The following PDE1C variants were observed in gnomAD, a reference collection of about 807,000 sequenced individuals.
The protein encoded by PDE1C is phosphodiesterase 1C.
A neutral mutation model predicts 93.1 loss-of-function variants in PDE1C; 62 were observed. The ratio of observed to expected loss-of-function variants is 0.67; its 90% confidence interval spans 0.54 to 0.82. The LOEUF is 0.82. Among genes scored for constraint, PDE1C ranks in the 40% least tolerant of loss-of-function variants. The pLI is 0.00. For synonymous variants in PDE1C, 325 were observed against 310.1 expected, an observed-to-expected ratio of 1.05 and a Z score of -0.50; for missense variants, 742 against 884.6, an observed-to-expected ratio of 0.84 and a Z score of 2.04.
At chr7:32,206,139 GACCCCCA>G (rs1328837058) in intron 2 of PDE1C, among the ~76,000 whole-genome samples, 5 of 152,072 alleles carry the variant, frequency 3.3e-5, no homozygotes, top group African/African-American at 1.2e-4. Flanking sequence ...ACCCCGGCTT[GACCCCCA>G]GAGCTTACAT....
the PDE1C span, among the ~76,000 whole-genome samples, chr7:31,638,144 C>A: frequency 6.6e-6 from 1 of 152,122 alleles, no homozygotes; most frequent in African/African-American, 2.4e-5. Context: ...AAGGTTACTG[C>A]AAGAATCATC....
the PDE1C span, chr7:31,692,361 A>C: frequency 8.8e-7 from 1 of 1,134,424 alleles, no homozygotes. Context: ...TGAATGAATG[A>C]ATAAACAGAG....
chr7:32,192,035 T>C (rs1804272221), intron 2 of PDE1C, among the ~76,000 whole-genome samples: 1 of 152,246 alleles, frequency 6.6e-6, no homozygotes, highest in Admixed American at 6.5e-5. Context: ...TGTCTGTTCA[T>C]GTTCTTTGAC....
At chr7:32,358,229 C>G (rs1784068113) in intron 1 of PDE1C, among the ~76,000 whole-genome samples, 1 of 152,214 alleles carries the variant, frequency 6.6e-6, no homozygotes, top group African/African-American at 2.4e-5. Flanking sequence ...CCCATGCCCT[C>G]CAGAACAAGC....
At chr7:31,979,863 G>A (rs1315015628) in intron 2 of PDE1C, among the ~76,000 whole-genome samples, 1 of 152,152 alleles carries the variant, frequency 6.6e-6, no homozygotes, top group African/African-American at 2.4e-5. Context: ...GCAGATGCTG[G>A]TATCCATCTT....
the PDE1C span, among the ~76,000 whole-genome samples, chr7:31,741,607 G>C: frequency 2.6e-5 from 4 of 151,756 alleles, no homozygotes; most frequent in African/African-American, 9.7e-5. Context: ...ATCTTCTTTA[G>C]ACTTCTAACA....
chr7:31,915,904 C>G (rs1480087326), intron 2 of PDE1C, among the ~76,000 whole-genome samples: 1 of 152,012 alleles, frequency 6.6e-6, no homozygotes, highest in Non-Finnish European at 1.5e-5. Context: ...GAAGAATGAA[C>G]AGTTGTGCAG....
At chr7:31,978,492 G>T (rs1170850679) in intron 2 of PDE1C, among the ~76,000 whole-genome samples, 1 of 152,216 alleles carries the variant, frequency 6.6e-6, no homozygotes, top group East Asian at 1.9e-4. Flanking sequence ...TCAGAAGTGG[G>T]TCTTCTAACT....
intron 1 of PDE1C, among the ~76,000 whole-genome samples, chr7:32,385,715 C>A (rs1784612505): frequency 6.6e-6 from 1 of 152,088 alleles, no homozygotes; most frequent in South Asian, 2.1e-4. Context: ...AGATTATAGT[C>A]ATGTGTGGTA....
chr7:32,334,601 CCCATGT>C (rs1783579840), intron 1 of PDE1C, among the ~76,000 whole-genome samples: 2 of 135,688 alleles, frequency 1.5e-5, no homozygotes, highest in Non-Finnish European at 3.2e-5. Context: ...ACCCTCCCCC[CCCATGT>C]CCCCAAAGTC....
chr7:31,659,917 A>G, the PDE1C span, among the ~76,000 whole-genome samples: 1 of 152,178 alleles, frequency 6.6e-6, no homozygotes, highest in African/African-American at 2.4e-5. Context: ...TGTAGTTCCC[A>G]TAATCCCCAC....
intron 1 of PDE1C, among the ~76,000 whole-genome samples, chr7:32,218,794 T>C (rs1806622081): frequency 6.6e-6 from 1 of 152,362 alleles, no homozygotes; most frequent in Middle Eastern, 3.4e-3. Flanking sequence ...TCCCTTTCCC[T>C]GATCCCGCTT....
chr7:31,694,207 A>C, the PDE1C span, among the ~76,000 whole-genome samples: 2 of 152,182 alleles, frequency 1.3e-5, no homozygotes, highest in Non-Finnish European at 2.9e-5. Flanking sequence ...ATGAGAAAGA[A>C]CACTCAGGAC....
chr7:31,806,870 A>G (rs1321593494), intron 16 of PDE1C, among the ~76,000 whole-genome samples: 1 of 151,952 alleles, frequency 6.6e-6, no homozygotes, highest in Non-Finnish European at 1.5e-5. Context: ...CCAAAAAGAA[A>G]TGTTCAAAAA....
intron 1 of PDE1C, among the ~76,000 whole-genome samples, chr7:32,271,181 G>A (rs1209549224): frequency 5.3e-5 from 8 of 152,024 alleles, no homozygotes; most frequent in Non-Finnish European, 1.2e-4. Flanking sequence ...CTCTGCTGAG[G>A]GTTAAATCAG....
chr7:31,980,559 C>G (rs1812251062), intron 2 of PDE1C, among the ~76,000 whole-genome samples: 1 of 152,188 alleles, frequency 6.6e-6, no homozygotes, highest in African/African-American at 2.4e-5. Context: ...CTCTCCTGAT[C>G]AAAGACATAG....
chr7:31,923,255 C>T (rs1583988101), intron 2 of PDE1C, among the ~76,000 whole-genome samples: 1 of 152,186 alleles, frequency 6.6e-6, no homozygotes, highest in East Asian at 1.9e-4. Flanking sequence ...CACAACATAA[C>T]TCAGATGCAC....
chr7:32,271,226 C>CCTTGGGCAAGTCTTCTGGACAGT (rs1385178904), intron 1 of PDE1C, among the ~76,000 whole-genome samples: 1 of 152,170 alleles, frequency 6.6e-6, no homozygotes, highest in Non-Finnish European at 1.5e-5. Context: ...ATGTCAGCCA[C>CCTTGGGCAAGTCTTCTGGACAGT]CTTGGGCAAG....
chr7:31,718,276 G>A, the PDE1C span, among the ~76,000 whole-genome samples: 11 of 152,010 alleles, frequency 7.2e-5, no homozygotes, highest in South Asian at 4.2e-4. Context: ...GATTGAGACC[G>A]GGAGGAAGGC....
Sources: allele counts gnomAD v4.1 joint callset (sites outside exome capture counted in the v4.1 genomes callset), GRCh38; gene constraint gnomAD v4.1.1; transcripts MANE v1.5; gene names NCBI Gene and HGNC (gene_info 2026-07-23, HGNC 2026-07-21).